The following ADARB2 variants were observed in gnomAD, a reference collection of about 807,000 sequenced individuals.
ADARB2 encodes adenosine deaminase RNA specific B2 (inactive).
A neutral mutation model predicts 62.2 loss-of-function variants in ADARB2; 25 were observed. The observed-to-expected ratio is 0.40, with a 90% CI of 0.29 to 0.56. ADARB2 has a LOEUF of 0.56. Among genes scored for constraint, ADARB2 ranks in the 20% least tolerant of loss-of-function variants. The pLI, the probability that ADARB2 is intolerant of heterozygous loss-of-function variation, is 0.43. For missense variants in ADARB2, 1,071 were observed against 1,077.4 expected, an observed-to-expected ratio of 0.99 and a Z score of 0.08; for synonymous variants, 572 against 500.8, an observed-to-expected ratio of 1.14 and a Z score of -1.90.
At chr10:1,735,217 A>C (rs1835286781) in intron 1 of ADARB2, among the ~76,000 whole-genome samples, 1 of 152,226 alleles carries the variant, frequency 6.6e-6, no homozygotes, top group African/African-American at 2.4e-5. Context: ...AAGGGACTTG[A>C]CATATTCAAA....
At chr10:1,585,869 C>A (rs1365891154) in intron 1 of ADARB2, among the ~76,000 whole-genome samples, 1 of 152,090 alleles carries the variant, frequency 6.6e-6, no homozygotes, top group Non-Finnish European at 1.5e-5. Flanking sequence ...CCCGTCTCTA[C>A]TAAAAATACA....
intron 3 of ADARB2, among the ~76,000 whole-genome samples, chr10:1,320,369 TCTGGTATCTA>T (rs1831784071): frequency 6.6e-6 from 1 of 152,152 alleles, no homozygotes; most frequent in Non-Finnish European, 1.5e-5. Context: ...AGATTTAGGG[TCTGGTATCTA>T]GCATCTTTCA....
chr10:1,456,486 C>T (rs192361895), intron 1 of ADARB2, among the ~76,000 whole-genome samples: 4 of 152,292 alleles, frequency 2.6e-5, no homozygotes, highest in Admixed American at 2.6e-4. Flanking sequence ...GGCCCAAAAC[C>T]TATGAACACC....
chr10:1,372,601 T>C (rs1438191592), intron 2 of ADARB2, among the ~76,000 whole-genome samples: 1 of 152,160 alleles, frequency 6.6e-6, no homozygotes, highest in Non-Finnish European at 1.5e-5. Flanking sequence ...GTGGGGCCCA[T>C]CTCACAGGGT....
intron 3 of ADARB2, among the ~76,000 whole-genome samples, chr10:1,330,757 A>G (rs1326723000): frequency 7.9e-5 from 12 of 152,252 alleles, no homozygotes; most frequent in Non-Finnish European, 1.5e-5. Context: ...ATTGGGCTTC[A>G]TCAGAATAAA....
At chr10:1,276,224 T>C (rs867398110) in intron 3 of ADARB2, among the ~76,000 whole-genome samples, 4 of 152,226 alleles carry the variant, frequency 2.6e-5, no homozygotes, top group African/African-American at 4.8e-5. Flanking sequence ...TGGTGTCTCA[T>C]TGTGGCTTTG....
chr10:1,243,845 T>C (rs1191022786), intron 4 of ADARB2, among the ~76,000 whole-genome samples: 1 of 152,190 alleles, frequency 6.6e-6, no homozygotes, highest in Non-Finnish European at 1.5e-5. Context: ...GCAGCCCCCG[T>C]TTCTGTGCCC....
chr10:1,200,072 C>T lies in ADARB2; in HGVS notation c.1758G>A (p.Val586=), dbSNP rs1220660437. 11 of 1,581,338 alleles carry T rather than the reference C, an allele frequency of 7.0e-6. No homozygotes were observed. Among genetic ancestry groups the T allele is most frequent in the Non-Finnish European group, 9.4e-6 (11 of 1,166,466 alleles). ...GGTGGCCCGTGTGGTGCAGGCTGCC[C>T]ACCACGATGCTCTGCAGGTACACGG... ...VEPVYLQSIV[V]GSLHHTGHLA... is the part of the protein sequence containing the mutation. Residue 586 remains valine (V), a synonymous_variant, in exon 8 of 10, where the codon GTG becomes GTA. Coordinates refer to ENST00000381312, the MANE Select transcript of ADARB2 (RefSeq NM_018702.4).
chr10:1,233,490 A>G (rs958873452), intron 6 of ADARB2, among the ~76,000 whole-genome samples: 2 of 151,778 alleles, frequency 1.3e-5, no homozygotes, highest in Admixed American at 6.6e-5. Context: ...GCCTCAGACT[A>G]CTCTTCTGCC....
At chr10:1,289,480 G>A (rs980553367) in intron 3 of ADARB2, among the ~76,000 whole-genome samples, 7 of 152,334 alleles carry the variant, frequency 4.6e-5, no homozygotes, top group African/African-American at 1.7e-4. Flanking sequence ...GAGGGAGGAG[G>A]AGGCCTTCAG....
intron 1 of ADARB2, among the ~76,000 whole-genome samples, chr10:1,594,683 A>G (rs1713749175): frequency 6.6e-6 from 1 of 152,198 alleles, no homozygotes; most frequent in African/African-American, 2.4e-5. Flanking sequence ...GCTCCTTTTC[A>G]GAATTAACAG....
chr10:1,652,330 C>A (rs548604688), intron 1 of ADARB2, among the ~76,000 whole-genome samples: 1 of 152,296 alleles, frequency 6.6e-6, no homozygotes, highest in African/African-American at 2.4e-5. Flanking sequence ...TAGCAGTGAC[C>A]AGGACTGCCA....
At chr10:1,207,511 G>A (rs1214267964) in intron 7 of ADARB2, among the ~76,000 whole-genome samples, 1 of 152,186 alleles carries the variant, frequency 6.6e-6, no homozygotes, top group African/African-American at 2.4e-5. Flanking sequence ...AACAAATCAT[G>A]GAGGAAGGCG....
chr10:1,660,016 C>A (rs946736347), intron 1 of ADARB2, among the ~76,000 whole-genome samples: 3 of 151,938 alleles, frequency 2.0e-5, no homozygotes, highest in Non-Finnish European at 4.4e-5. Flanking sequence ...TCCTGTGAGA[C>A]CCCGGGGCAG....
intron 8 of ADARB2, among the ~76,000 whole-genome samples, chr10:1,193,580 C>G (rs554117660): frequency 6.6e-6 from 1 of 152,268 alleles, no homozygotes; most frequent in East Asian, 1.9e-4. Context: ...GTCGGCATTA[C>G]TCATTTGAGA....
At chr10:1,694,090 G>T (rs533609116) in intron 1 of ADARB2, among the ~76,000 whole-genome samples, 1 of 152,276 alleles carries the variant, frequency 6.6e-6, no homozygotes, top group African/African-American at 2.4e-5. Flanking sequence ...TATGTATCTT[G>T]TTTGGGTTTT....
At chr10:1,680,032 C>T (rs539773619) in intron 1 of ADARB2, among the ~76,000 whole-genome samples, 35 of 152,266 alleles carry the variant, frequency 2.3e-4, no homozygotes, top group Middle Eastern at 3.4e-3. Context: ...CCGTGGCCAG[C>T]GACCCCACTC....
chr10:1,458,552 A>G (rs1454161214), intron 1 of ADARB2, among the ~76,000 whole-genome samples: 5 of 152,208 alleles, frequency 3.3e-5, no homozygotes, highest in Admixed American at 6.5e-5. Flanking sequence ...AGGCTCACCT[A>G]TGCAGAGGGA....
intron 1 of ADARB2, among the ~76,000 whole-genome samples, chr10:1,692,778 C>T (rs558084814): frequency 1.1e-4 from 17 of 152,256 alleles, no homozygotes; most frequent in African/African-American, 1.7e-4. Flanking sequence ...AAACAGTGGA[C>T]TGTCAGAATA....
Sources: gnomAD v4.1 joint callset for allele counts (sites outside exome capture counted in the v4.1 genomes callset) on GRCh38, gnomAD v4.1.1 for gene constraint, MANE v1.5 for transcripts, NCBI Gene and HGNC (gene_info 2026-07-23, HGNC 2026-07-21) for gene names.